The following TRAPPC9 variants were observed in gnomAD, a reference collection of about 807,000 sequenced individuals.
The protein encoded by TRAPPC9 is trafficking protein particle complex subunit 9.
Under a neutral mutation model 124.0 loss-of-function variants are expected in TRAPPC9, and 83 were observed. The ratio of observed to expected loss-of-function variants is 0.67; its 90% CI spans 0.56 to 0.80. TRAPPC9 has a LOEUF of 0.80. TRAPPC9 is among the 30% of genes least tolerant of loss of function. The pLI is 0.00. For missense variants in TRAPPC9, 1,302 were observed against 1,508.3 expected (o/e 0.86, Z 2.27); for synonymous variants, 638 against 617.5 (o/e 1.03, Z -0.49).
intron 4 of TRAPPC9, among the ~76,000 whole-genome samples, chr8:140,432,197 GA>G (rs923308206): frequency 7.3e-5 from 11 of 149,914 alleles, no homozygotes; most frequent in African/African-American, 1.5e-4. Context: ...CCAGGTTGCT[GA>G]AAAAAAAAGG....
intron 9 of TRAPPC9, among the ~76,000 whole-genome samples, chr8:140,312,758 C>CTTT (rs553049081): frequency 2.9e-4 from 29 of 98,558 alleles, no homozygotes; most frequent in South Asian, 8.8e-4. Context: ...TCTTCTTCTT[C>CTTT]TTTTTTTTTT....
At chr8:140,023,739 T>C (rs1035183081) in intron 18 of TRAPPC9, among the ~76,000 whole-genome samples, 198 bp downstream of exon 18, 1 of 152,066 alleles carries the variant, frequency 6.6e-6, no homozygotes, top group Admixed American at 6.5e-5. Context: ...CCCATTCACT[T>C]ACGACCACCT....
At chr8:139,813,935 A>T (rs1465029717) in intron 21 of TRAPPC9, among the ~76,000 whole-genome samples, 1 of 152,184 alleles carries the variant, frequency 6.6e-6, no homozygotes, top group Non-Finnish European at 1.5e-5. Context: ...TGTGGCTCAC[A>T]GAAGACAGAC....
At chr8:140,024,654 C>T (rs2131927887) in intron 17 of TRAPPC9, among the ~76,000 whole-genome samples, 1 of 152,258 alleles carries the variant, frequency 6.6e-6, no homozygotes, top group African/African-American at 2.4e-5. Flanking sequence ...GCCTCGGCCT[C>T]CCAAGGTGCT....
chr8:140,451,466 T>C, intron 1 of TRAPPC9, 83 bp from the exon 2 acceptor site: 1 of 1,167,064 alleles, frequency 8.6e-7, no homozygotes, highest in Non-Finnish European at 1.2e-6. Flanking sequence ...GACTGTGACC[T>C]TCACTACCCA....
At chr8:140,407,897 C>T (rs2069551617) in intron 5 of TRAPPC9, among the ~76,000 whole-genome samples, 1 of 152,186 alleles carries the variant, frequency 6.6e-6, no homozygotes, top group Non-Finnish European at 1.5e-5. Context: ...GCTAGAATTA[C>T]AGGTGTGAGC....
At chr8:140,207,135 C>T (rs1291404340) in intron 17 of TRAPPC9, among the ~76,000 whole-genome samples, 1 of 152,180 alleles carries the variant, frequency 6.6e-6, no homozygotes, top group Non-Finnish European at 1.5e-5. Context: ...TTCTGTGCAA[C>T]CTCCTTCACC....
chr8:139,744,052 G>A (rs768844453), intron 21 of TRAPPC9, among the ~76,000 whole-genome samples: 2 of 152,070 alleles, frequency 1.3e-5, no homozygotes, highest in Non-Finnish European at 2.9e-5. Context: ...CACTGCCACC[G>A]CCACACACGT....
At chr8:139,755,979 G>A (rs539074632) in intron 21 of TRAPPC9, among the ~76,000 whole-genome samples, 4 of 136,050 alleles carry the variant, frequency 2.9e-5, no homozygotes, top group South Asian at 2.5e-4. Flanking sequence ...GATGAGGACC[G>A]CAGGTCGCAG....
chr8:140,450,691 A>G (rs1459333864), intron 2 of TRAPPC9, 99 bp downstream of exon 2: 4 of 980,060 alleles, frequency 4.1e-6, no homozygotes, highest in Non-Finnish European at 6.3e-6. Flanking sequence ...AAACCAATGG[A>G]CAACACCTTT....
At position 139,861,245 on chromosome 8, in the gene TRAPPC9, T is replaced by C. The variant is rs551269056; in HGVS notation, c.3055+24634A>G. 2.0e-5 allele frequency among the ~76,000 whole-genome samples: 3 copies of C among 152,348 alleles called. No individual in the cohort carries two copies. The South Asian group carries it at 6.2e-4, about 32-fold the overall frequency. On this transcript the variant is annotated intron_variant, in intron 21 of 22. Transcript: ENST00000438773. ...GACAGGGGAGGGGAACGAGTTCTTA[T>C]TCCTGATGCAGGTAGCCTCTACTGC... is the stretch of plus-strand genomic sequence containing the variant.
At chr8:140,331,028 A>C (rs2066880141) in intron 9 of TRAPPC9, among the ~76,000 whole-genome samples, 1 of 152,190 alleles carries the variant, frequency 6.6e-6, no homozygotes, top group African/African-American at 2.4e-5. Flanking sequence ...CTGAGCAAAA[A>C]ATAACAAAGC....
At chr8:139,804,583 C>T (rs1164351486) in intron 21 of TRAPPC9, among the ~76,000 whole-genome samples, 1 of 133,960 alleles carries the variant, frequency 7.5e-6, no homozygotes. Flanking sequence ...CACCCACCAC[C>T]GCCACCAAGC....
intron 16 of TRAPPC9, among the ~76,000 whole-genome samples, chr8:140,223,941 C>T (rs545753130): frequency 6.6e-6 from 1 of 152,144 alleles, no homozygotes; most frequent in Non-Finnish European, 1.5e-5. Context: ...GTCCATGGCA[C>T]CTTATGCCCA....
At chr8:140,183,905 AGGAG>A (rs2062273481) in intron 17 of TRAPPC9, among the ~76,000 whole-genome samples, 2 of 19,416 alleles carry the variant, frequency 1.0e-4, no homozygotes, top group Non-Finnish European at 2.7e-4. Context: ...AGGAGAGGAG[AGGAG>A]AGGAGAGGAG....
intron 16 of TRAPPC9, among the ~76,000 whole-genome samples, chr8:140,223,730 T>C (rs2063387618): frequency 6.8e-6 from 1 of 147,970 alleles, no homozygotes; most frequent in Admixed American, 6.8e-5. Flanking sequence ...ATAATAGAAA[T>C]AGTTCATAAT....
rs191061598 is a variant in TRAPPC9 at position 140,057,708 on chromosome 8, G to T, written c.2557-33629C>A. ...GGGAAACGGACAGTTGTGTTCCATA[G>T]GTATCAAGTTTTCAGTTATACAAGG... On this transcript the variant is annotated intron_variant, in intron 17 of 22. Transcript: ENST00000438773. Among the ~76,000 whole-genome samples the T allele has an allele frequency of 1.2e-3, 176 of 152,288 alleles. 6 individuals carry two copies. In the South Asian group the frequency reaches 0.035, roughly 30 times the overall value.
intron 19 of TRAPPC9, chr8:139,932,377 C>G (rs1833216717): frequency 2.2e-6 from 1 of 457,922 alleles, no homozygotes; most frequent in Non-Finnish European, 4.4e-6. Flanking sequence ...CACACTGGAT[C>G]AGAAGCACGC....
chr8:140,287,724 GTGAGC>G lies in TRAPPC9; in HGVS notation c.1860_1864del (p.Leu621GlnfsTer17). ...GAGAGACTCGAACTCCACTCCGCTG[GTGAGC>G]AGCCCCTAAACCAAGCGACGCAGCA... On this transcript the variant is annotated frameshift_variant, in exon 13 of 23. Transcript: ENST00000438773. LOFTEE classifies it high-confidence loss of function. 1 of 1,614,190 alleles carries G rather than the reference GTGAGC, an allele frequency of 6.2e-7. No homozygotes were observed. The highest frequency in any genetic ancestry group is 8.5e-7 in the Non-Finnish European group (1 of 1,180,046).
Sources: gnomAD v4.1 joint callset for allele counts (sites outside exome capture counted in the v4.1 genomes callset) on GRCh38, gnomAD v4.1.1 for gene constraint, MANE v1.5 for transcripts, NCBI Gene and HGNC (gene_info 2026-07-23, HGNC 2026-07-21) for gene names.